Variants in CUX1 observed in about 807,000 individuals in gnomAD.
CUX1 encodes cut like homeobox 1.
Under a neutral mutation model 158.8 loss-of-function variants are expected in CUX1, and 31 were observed. The observed-to-expected ratio is 0.20, with a 90% CI of 0.15 to 0.26. CUX1 has a LOEUF of 0.26. Among genes scored for constraint, CUX1 ranks in the 10% least tolerant of loss-of-function variants. The pLI, the probability that CUX1 is intolerant of heterozygous loss-of-function variation, is 1.00. For synonymous variants in CUX1, 879 were observed against 862.1 expected (o/e 1.02, Z -0.34); for missense variants, 1,589 against 2,014.6 (o/e 0.79, Z 4.04).
chr7:101,840,956 C>T (rs546290165), intron 1 of CUX1, among the ~76,000 whole-genome samples: 48 of 151,862 alleles, frequency 3.2e-4, no homozygotes, highest in African/African-American at 8.2e-4. Flanking sequence ...TGCAGTGGCG[C>T]GATCTCAGCT....
intron 3 of CUX1, among the ~76,000 whole-genome samples, chr7:102,064,440 G>A (rs544801063): frequency 6.6e-6 from 1 of 152,056 alleles, no homozygotes; most frequent in East Asian, 1.9e-4. Flanking sequence ...TCTCTCTTCA[G>A]CAATTCTTGC....
chr7:101,845,811 C>T (rs1584741071), intron 1 of CUX1, among the ~76,000 whole-genome samples: 1 of 152,056 alleles, frequency 6.6e-6, no homozygotes. Flanking sequence ...GAGTTCAAGA[C>T]CAGCCTGGCC....
intron 3 of CUX1, among the ~76,000 whole-genome samples, chr7:102,060,606 TAAAC>T (rs1563190157): frequency 4.9e-5 from 1 of 20,250 alleles, no homozygotes; most frequent in Non-Finnish European, 1.0e-4. Context: ...CACACACAAA[TAAAC>T]ACACACACAC....
At chr7:102,119,415 A>G (rs1218781980) in intron 8 of CUX1, among the ~76,000 whole-genome samples, 7 of 152,234 alleles carry the variant, frequency 4.6e-5, no homozygotes, top group Non-Finnish European at 7.3e-5. Flanking sequence ...AGACAACGGC[A>G]GTAAAGTTTT....
intron 8 of CUX1, among the ~76,000 whole-genome samples, chr7:102,126,903 C>T (rs1391813245): frequency 6.6e-6 from 1 of 152,226 alleles, no homozygotes; most frequent in Non-Finnish European, 1.5e-5. Context: ...TACACAGTCC[C>T]ATCTGGGGGT....
Position 102,252,584 on chromosome 7 carries a change from C to G in CUX1, c.*3542C>G, listed in dbSNP as rs2734605. On this transcript the variant is annotated 3_prime_UTR_variant, in exon 24 of 24. Coordinates refer to ENST00000292535, the MANE Select transcript of CUX1 (RefSeq NM_181552.4). ...TAACTTAGCTGGCTAAGCAGAGGCT[C>G]GGGGTAAAATCAGTGTTTGCATTTA... 8.1e-6 allele frequency: 8 copies of G among 985,302 alleles called. No homozygotes were observed. The highest frequency in any genetic ancestry group is 1.7e-5 in the African/African-American group (1 of 57,280). 61.0% of individuals were successfully genotyped at this position (985,302 alleles called of 1,614,324 possible).
At chr7:101,842,936 G>C (rs1422644267) in intron 1 of CUX1, among the ~76,000 whole-genome samples, 1 of 145,704 alleles carries the variant, frequency 6.9e-6, no homozygotes, top group Non-Finnish European at 1.5e-5. Context: ...GCAGTGGCGC[G>C]ATCTCGGCTC....
At chr7:102,105,404 T>C (rs782456213) in intron 6 of CUX1, among the ~76,000 whole-genome samples, 10 of 151,396 alleles carry the variant, frequency 6.6e-5, no homozygotes, top group Non-Finnish European at 1.3e-4. Flanking sequence ...TTCCCACAAA[T>C]AATGAGTTGG....
At chr7:102,138,837 C>T (rs1184133701) in intron 8 of CUX1, among the ~76,000 whole-genome samples, 2 of 152,150 alleles carry the variant, frequency 1.3e-5, no homozygotes, top group African/African-American at 4.8e-5. Context: ...TTTTTACCAA[C>T]TTGAGGTATG....
At chr7:102,224,862 C>A (rs1324704737) in intron 20 of CUX1, among the ~76,000 whole-genome samples, 1 of 152,182 alleles carries the variant, frequency 6.6e-6, no homozygotes, top group African/African-American at 2.4e-5. Context: ...TGATGTTGAC[C>A]TTGCTGTGGG....
chr7:102,283,355 G>C (rs1792260032), exon 23 of CUX1: 3 of 511,748 alleles, frequency 5.9e-6, no homozygotes, highest in Non-Finnish European at 1.1e-5. Flanking sequence ...CTCAGGTTAG[G>C]GCTCTGCCCG....
intron 21 of CUX1, among the ~76,000 whole-genome samples, chr7:102,231,182 A>G (rs1798945542): frequency 6.6e-6 from 1 of 151,480 alleles, no homozygotes; most frequent in African/African-American, 2.4e-5. Flanking sequence ...GGCGCCCACC[A>G]CCATGCCCGG....
At chr7:102,101,702 G>A (rs768203251) in intron 5 of CUX1, among the ~76,000 whole-genome samples, 2 of 152,142 alleles carry the variant, frequency 1.3e-5, no homozygotes, top group Non-Finnish European at 2.9e-5. Flanking sequence ...TTGAGGTCAG[G>A]AGTTCGAGAC....
intron 11 of CUX1, among the ~76,000 whole-genome samples, chr7:102,179,865 T>C (rs1249308485): frequency 6.6e-6 from 1 of 152,192 alleles, no homozygotes; most frequent in African/African-American, 2.4e-5. Flanking sequence ...CCCAACCCGG[T>C]ACCTCCATGT....
chr7:102,248,243 A>G lies in CUX1; in HGVS notation c.3888-169A>G, dbSNP rs1420603157. ...GCCAGGCCCGGAGGGGTGGGTGGTG[A>G]CTCTGGAGAGGGGCTGCCCCGTGGC... On this transcript the variant is annotated intron_variant, in intron 23 of 23. Transcript: ENST00000292535. This position sits in a 1 kb window ranked among gnomAD's most constrained non-coding sequence, Gnocchi z 5.8. Among the ~76,000 whole-genome samples, 1 of 151,946 alleles carries G rather than the reference A, an allele frequency of 6.6e-6. No individual in the cohort carries two copies. The highest frequency in any genetic ancestry group is 1.5e-5 in the Non-Finnish European group (1 of 67,948).
At chr7:102,186,724 A>G (rs1793667269) in intron 11 of CUX1, 2 of 151,918 alleles carry the variant, frequency 1.3e-5, no homozygotes, top group Admixed American at 1.3e-4. Flanking sequence ...CTTTCTCTGT[A>G]TGTTCCATTA....
At chr7:101,892,518 G>A (rs191414885) in intron 1 of CUX1, among the ~76,000 whole-genome samples, 1 of 152,202 alleles carries the variant, frequency 6.6e-6, no homozygotes, top group East Asian at 1.9e-4. Flanking sequence ...CGGAGGAAAT[G>A]GTCTCATCAT....
rs185964315 is a variant in CUX1 at position 102,198,168 on chromosome 7, G to A, written c.1895-634G>A. Among the ~76,000 whole-genome samples, 6 of 152,300 alleles carry A rather than the reference G, an allele frequency of 3.9e-5. No homozygotes were observed. In the East Asian group the frequency reaches 5.8e-4, roughly 15 times the overall value. ...CCAGCTACTTGAGAGGCTAAGGCAG[G>A]AGGATGGCTTGAGCCCAGGAGGTGG... On this transcript the variant is annotated intron_variant, in intron 15 of 23. Transcript: ENST00000292535.
intron 2 of CUX1, among the ~76,000 whole-genome samples, chr7:101,924,493 G>A (rs990711766): frequency 5.3e-5 from 8 of 152,132 alleles, no homozygotes; most frequent in Non-Finnish European, 1.0e-4. Flanking sequence ...GAGGGTGATC[G>A]TTGTAACCCC....
Sources: allele counts gnomAD v4.1 joint callset (sites outside exome capture counted in the v4.1 genomes callset), GRCh38; gene constraint gnomAD v4.1.1; non-coding constraint Gnocchi (gnomAD v3.1); transcripts MANE v1.5; gene names NCBI Gene and HGNC (gene_info 2026-07-23, HGNC 2026-07-21).